Variants in JAM2 observed in about 807,000 individuals in gnomAD.
The protein encoded by JAM2 is junctional adhesion molecule 2.
In JAM2, 17 loss-of-function variants were observed where a neutral mutation model predicts 42.0. The observed-to-expected ratio is 0.40, with a 90% CI of 0.28 to 0.61. The LOEUF (loss-of-function observed/expected upper bound fraction) is 0.61, where lower values mean the gene tolerates loss of function less well. Among genes scored for constraint, JAM2 ranks in the 20% least tolerant of loss-of-function variants. The pLI is 0.37. For synonymous variants in JAM2, 118 were observed against 128.6 expected (o/e 0.92, Z 0.56); for missense variants, 319 against 358.3 (o/e 0.89, Z 0.89).
intron 8 of JAM2, 193 bp downstream of exon 8, chr21:25,709,642 T>C (rs2034342314): frequency 2.4e-6 from 1 of 417,788 alleles, no homozygotes; most frequent in Non-Finnish European, 4.4e-6. Context: ...TACCCGAGAC[T>C]GGGTAGTTTA....
Position 25,677,342 on chromosome 21 carries a change from C to T in JAM2, c.68-6541C>T, listed in dbSNP as rs188913460. On this transcript the variant is annotated intron_variant, in intron 1 of 9. Transcript: ENST00000480456. ...CTCTTTTTTAACATCTGTGATACAT[C>T]GTTTTTCTGTTCAAATATTAATATA... Among the ~76,000 whole-genome samples, 50 of 152,208 alleles carry T rather than the reference C, an allele frequency of 3.3e-4. No individual in the cohort carries two copies. In the East Asian group the frequency reaches 5.8e-3, roughly 18 times the overall value.
At chr21:25,686,577 G>A (rs1442158451) in intron 2 of JAM2, among the ~76,000 whole-genome samples, 1 of 152,220 alleles carries the variant, frequency 6.6e-6, no homozygotes. Context: ...GCCAAGAGCA[G>A]AAGGAGACTG....
intron 5 of JAM2, among the ~76,000 whole-genome samples, chr21:25,700,336 C>T (rs3827165): frequency 1.3e-5 from 2 of 151,616 alleles, no homozygotes; most frequent in Middle Eastern, 3.4e-3. Context: ...AACTTAAAGG[C>T]GTGGTGATAA....
intron 1 of JAM2, among the ~76,000 whole-genome samples, chr21:25,645,172 C>T (rs4817049): frequency 0.64 from 96,877 of 152,114 alleles, 32,068 homozygotes; most frequent in Non-Finnish European, 0.74. Context: ...TGAGCCACCG[C>T]GCCTGGCCTA....
intron 7 of JAM2, among the ~76,000 whole-genome samples, chr21:25,707,135 C>G (rs1039999222): frequency 2.0e-5 from 3 of 152,122 alleles, no homozygotes; most frequent in African/African-American, 7.2e-5. Context: ...AATATTTCAT[C>G]AGTGTAGAAC....
intron 2 of JAM2, among the ~76,000 whole-genome samples, chr21:25,684,691 ACCTC>A (rs1285438831): frequency 6.6e-6 from 1 of 151,666 alleles, no homozygotes; most frequent in African/African-American, 2.4e-5. Context: ...CGCAACCTCT[ACCTC>A]CGGGGTCAAG....
chr21:25,651,560 A>C (rs1310749685), intron 1 of JAM2, among the ~76,000 whole-genome samples: 4 of 152,212 alleles, frequency 2.6e-5, no homozygotes, highest in Non-Finnish European at 2.9e-5. Flanking sequence ...GACCCATCAT[A>C]TTCAGCAATA....
chr21:25,667,273 T>C (rs1255882394), intron 1 of JAM2, among the ~76,000 whole-genome samples: 1 of 152,208 alleles, frequency 6.6e-6, no homozygotes, highest in Admixed American at 6.5e-5. Context: ...AGTGACATCG[T>C]TGTGGCTGAA....
Position 25,674,016 on chromosome 21 carries a change from T to C in JAM2, c.68-9867T>C, listed in dbSNP as rs138671361. 3.5e-3 allele frequency among the ~76,000 whole-genome samples: 538 copies of C among 152,350 alleles called. 1 individual carries two copies. The highest frequency in any genetic ancestry group is 5.7e-3 in the Non-Finnish European group (389 of 68,026). ...CTCTCTTGACTGCCGCCATGTAAGA[T>C]GTGCCTTTTGCCTTCCACCATAATT... On this transcript the variant is annotated intron_variant, in intron 1 of 9. Transcript: ENST00000480456.
intron 1 of JAM2, among the ~76,000 whole-genome samples, chr21:25,663,691 G>A (rs2033147376): frequency 6.6e-6 from 1 of 152,124 alleles, no homozygotes; most frequent in South Asian, 2.1e-4. Flanking sequence ...GTACCACCTA[G>A]GGACTCTTCA....
chr21:25,682,860 A>G (rs778416366), intron 1 of JAM2, among the ~76,000 whole-genome samples: 1 of 151,872 alleles, frequency 6.6e-6, no homozygotes, highest in Non-Finnish European at 1.5e-5. Flanking sequence ...CAGAGGCCGA[A>G]TACTTCTCTG....
chr21:25,684,920 A>G (rs886925126), intron 2 of JAM2, among the ~76,000 whole-genome samples: 1 of 152,182 alleles, frequency 6.6e-6, no homozygotes, highest in African/African-American at 2.4e-5. Flanking sequence ...TCAAATATTG[A>G]TCACCTACTA....
chr21:25,672,802 A>G (rs1374889947), intron 1 of JAM2, among the ~76,000 whole-genome samples: 1 of 152,096 alleles, frequency 6.6e-6, no homozygotes, highest in African/African-American at 2.4e-5. Context: ...GACATCTTTC[A>G]TATTCTTCTA....
At chr21:25,702,553 C>G (rs762548352) in intron 6 of JAM2, among the ~76,000 whole-genome samples, 6 of 152,242 alleles carry the variant, frequency 3.9e-5, no homozygotes, top group Non-Finnish European at 8.8e-5. Context: ...TAGTCTTTCT[C>G]TCAAATAAAA....
intron 4 of JAM2, among the ~76,000 whole-genome samples, chr21:25,695,154 T>C (rs888668279): frequency 1.3e-5 from 2 of 152,092 alleles, no homozygotes; most frequent in African/African-American, 4.8e-5. Context: ...TGTCCCTGGG[T>C]ACTTGAGATT....
intron 1 of JAM2, among the ~76,000 whole-genome samples, chr21:25,666,411 G>A (rs1568896184): frequency 6.6e-6 from 1 of 151,698 alleles, no homozygotes; most frequent in Non-Finnish European, 1.5e-5. Flanking sequence ...TGCAACCTCT[G>A]CCTCCCGGGT....
At chr21:25,699,722 CAAAAAAAAAAAAAAAAA>C (rs59490509) in intron 5 of JAM2, among the ~76,000 whole-genome samples, 1 of 41,922 alleles carries the variant, frequency 2.4e-5, no homozygotes. Flanking sequence ...GGCTCCGTCT[CAAAAAAAAAAAAAAAAA>C]AAAAAAAAAA....
intron 7 of JAM2, 85 bp downstream of exon 7, chr21:25,706,171 GTTTT>G: frequency 4.4e-6 from 4 of 909,048 alleles, no homozygotes; most frequent in Non-Finnish European, 7.2e-6. Context: ...CTAGGAAGTT[GTTTT>G]TTTGTTTGTT....
At chr21:25,667,973 T>C (rs1240688186) in intron 1 of JAM2, among the ~76,000 whole-genome samples, 3 of 152,108 alleles carry the variant, frequency 2.0e-5, no homozygotes, top group African/African-American at 7.2e-5. Context: ...TGAGCTGAAA[T>C]ATTTAATAGA....
Sources: gnomAD v4.1 joint callset for allele counts (sites outside exome capture counted in the v4.1 genomes callset) on GRCh38, gnomAD v4.1.1 for gene constraint, MANE v1.5 for transcripts, NCBI Gene and HGNC (gene_info 2026-07-23, HGNC 2026-07-21) for gene names.